Variants in ATP10A observed in about 807,000 individuals in gnomAD.
ATP10A encodes ATPase phospholipid transporting 10A (putative).
In ATP10A, 111 loss-of-function variants were observed where a neutral mutation model predicts 147.8. That is an observed-to-expected ratio of 0.75 (90% CI 0.64 to 0.88). ATP10A has a LOEUF of 0.88. ATP10A is among the 40% of genes least tolerant of loss of function. The pLI, the probability that ATP10A is intolerant of heterozygous loss-of-function variation, is 0.00. For missense variants in ATP10A, 1,927 were observed against 1,959.0 expected, an observed-to-expected ratio of 0.98 and a Z score of 0.31; for synonymous variants, 875 against 841.6, an observed-to-expected ratio of 1.04 and a Z score of -0.69.
chr15:25,716,695 G>A, intron 9 of ATP10A, 35 bp downstream of exon 9: 1 of 1,508,094 alleles, frequency 6.6e-7, no homozygotes, highest in Non-Finnish European at 8.9e-7. Flanking sequence ...AGCGCAGAAG[G>A]TCAAGGTCAA....
At chr15:25,738,482 C>T (rs978857827) in intron 2 of ATP10A, 6 of 152,200 alleles carry the variant, frequency 3.9e-5, no homozygotes, top group Admixed American at 3.9e-4. Flanking sequence ...CTGTGTTATG[C>T]ATATTTTGCC....
At chr15:25,787,050 C>G (rs1890204597) in intron 1 of ATP10A, among the ~76,000 whole-genome samples, 1 of 152,000 alleles carries the variant, frequency 6.6e-6, no homozygotes, top group African/African-American at 2.4e-5. Context: ...TGAACCCTCC[C>G]ACGATCCTGA....
In ATP10A at chr15:25,784,871, G is replaced by A. The variant is rs562888622; in HGVS notation, c.450-3648C>T. ...CGGGAGGTGGAGGCTGCAGTGAGCC[G>A]AGATCGCGCCACTGCACTCCAGCCT... On this transcript the variant is annotated intron_variant, in intron 1 of 20. Transcript: ENST00000555815. 8.0e-4 allele frequency among the ~76,000 whole-genome samples: 121 copies of A among 151,420 alleles called. 1 individual carries two copies. The highest frequency in any genetic ancestry group is 1.6e-3 in the African/African-American group (64 of 41,208).
At chr15:25,814,855 T>G (rs1891582308) in intron 1 of ATP10A, among the ~76,000 whole-genome samples, 1 of 152,172 alleles carries the variant, frequency 6.6e-6, no homozygotes, top group South Asian at 2.1e-4. Context: ...AGCCACATAG[T>G]CTGGTACTGC....
chr15:25,778,194 A>T (rs369147989), intron 2 of ATP10A, among the ~76,000 whole-genome samples: 1 of 152,138 alleles, frequency 6.6e-6, no homozygotes, highest in African/African-American at 2.4e-5. Context: ...AGGGGCTCCC[A>T]CTTCCAACTG....
intron 1 of ATP10A, among the ~76,000 whole-genome samples, chr15:25,847,079 C>T (rs527272018): frequency 1.3e-5 from 2 of 152,300 alleles, no homozygotes; most frequent in Admixed American, 6.5e-5. Context: ...GTCAGCTATC[C>T]TTGTTAAATT....
At chr15:25,792,752 G>T (rs1890488409) in intron 1 of ATP10A, among the ~76,000 whole-genome samples, 1 of 152,066 alleles carries the variant, frequency 6.6e-6, no homozygotes, top group Non-Finnish European at 1.5e-5. Flanking sequence ...CAATTTTGTT[G>T]CTTTGAGTTC....
chr15:25,773,622 T>C (rs1256467874), intron 2 of ATP10A, among the ~76,000 whole-genome samples: 1 of 152,142 alleles, frequency 6.6e-6, no homozygotes, highest in East Asian at 1.9e-4. Flanking sequence ...TCTGCAACAC[T>C]ATATCTTAGC....
chr15:25,855,279 AC>A (rs1893464587), intron 1 of ATP10A, among the ~76,000 whole-genome samples: 1 of 152,152 alleles, frequency 6.6e-6, no homozygotes, highest in South Asian at 2.1e-4. Context: ...TGGATTGTAC[AC>A]CATGACCAAG....
At chr15:25,753,637 T>C (rs1452591207) in intron 2 of ATP10A, among the ~76,000 whole-genome samples, 1 of 151,906 alleles carries the variant, frequency 6.6e-6, no homozygotes, top group Non-Finnish European at 1.5e-5. Context: ...ATAAAACATT[T>C]GAGTCAAGCT....
intron 2 of ATP10A, among the ~76,000 whole-genome samples, chr15:25,778,745 C>A (rs1487919353): frequency 2.6e-5 from 4 of 152,076 alleles, no homozygotes; most frequent in Non-Finnish European, 5.9e-5. Flanking sequence ...AACTTGTAAG[C>A]AGCTCATTTA....
In ATP10A at chr15:25,689,615, T is replaced by G. The variant is rs77586015; in HGVS notation, c.3166-1787A>C. Among the ~76,000 whole-genome samples the G allele has an allele frequency of 1.9e-3, 284 of 152,196 alleles. 1 individual carries two copies. Among genetic ancestry groups the G allele is most frequent in the Non-Finnish European group, 3.0e-3 (201 of 68,000 alleles). On this transcript the variant is annotated intron_variant, in intron 15 of 20. Transcript: ENST00000555815. ...TGGAAAACCCAAGTGCATAGGATGG[T>G]AAGGAAAGGTATCAAGCCTCGTCCC...
intron 1 of ATP10A, among the ~76,000 whole-genome samples, chr15:25,805,177 T>G (rs1465933301): frequency 6.6e-6 from 1 of 152,176 alleles, no homozygotes; most frequent in Non-Finnish European, 1.5e-5. Flanking sequence ...CTGCACCCAG[T>G]GATCCTTCTC....
intron 3 of ATP10A, among the ~76,000 whole-genome samples, chr15:25,730,112 G>A (rs1281692416): frequency 2.1e-5 from 3 of 145,928 alleles, no homozygotes; most frequent in Non-Finnish European, 4.5e-5. Flanking sequence ...CTAACATGGC[G>A]AAACCCCGTC....
intron 2 of ATP10A, among the ~76,000 whole-genome samples, chr15:25,741,802 C>T (rs1234426358): frequency 3.3e-5 from 5 of 152,126 alleles, no homozygotes; most frequent in African/African-American, 1.2e-4. Context: ...TTTTTGTCCA[C>T]CACGTGTCTC....
intron 1 of ATP10A, among the ~76,000 whole-genome samples, chr15:25,855,536 G>A (rs1893473426): frequency 1.4e-5 from 1 of 70,614 alleles, no homozygotes; most frequent in South Asian, 5.8e-4. Context: ...CTCAGTATTG[G>A]TTAAAACACA....
chr15:25,757,842 G>C (rs573227814), intron 2 of ATP10A, among the ~76,000 whole-genome samples: 5 of 144,088 alleles, frequency 3.5e-5, no homozygotes, highest in Admixed American at 1.4e-4. Context: ...AACTCATTCC[G>C]ACCACCTGCT....
chr15:25,811,108 C>T (rs1415147798), intron 1 of ATP10A, among the ~76,000 whole-genome samples: 1 of 152,142 alleles, frequency 6.6e-6, no homozygotes, highest in Non-Finnish European at 1.5e-5. Flanking sequence ...CCTTAAGTCC[C>T]CAGACAAAAT....
chr15:25,798,075 G>A (rs2140770034), intron 1 of ATP10A, among the ~76,000 whole-genome samples: 1 of 152,248 alleles, frequency 6.6e-6, no homozygotes, highest in East Asian at 1.9e-4. Flanking sequence ...CTAGTTAACT[G>A]GAAGAGGGAG....
Sources: allele counts gnomAD v4.1 joint callset (sites outside exome capture counted in the v4.1 genomes callset), GRCh38; gene constraint gnomAD v4.1.1; transcripts MANE v1.5; gene names NCBI Gene and HGNC (gene_info 2026-07-23, HGNC 2026-07-21).